Variants in PRKCQ observed in about 807,000 individuals in gnomAD.
PRKCQ encodes the protein protein kinase C theta type.
Under a neutral mutation model 91.2 loss-of-function variants are expected in PRKCQ, and 41 were observed. The ratio of observed to expected loss-of-function variants is 0.45; its 90% CI spans 0.35 to 0.58. The LOEUF is 0.58. PRKCQ is among the 20% of genes least tolerant of loss of function. The probability of loss-of-function intolerance (pLI) is 0.00; values close to 1 mark genes in which losing one functional copy is unlikely to be tolerated. For missense variants in PRKCQ, 673 were observed against 896.5 expected, an observed-to-expected ratio of 0.75 and a Z score of 3.18; for synonymous variants, 307 against 316.9, an observed-to-expected ratio of 0.97 and a Z score of 0.33.
chr10:6,409,021 A>G, the PRKCQ span, among the ~76,000 whole-genome samples: 7 of 152,244 alleles, frequency 4.6e-5, no homozygotes, highest in Non-Finnish European at 8.8e-5. Context: ...AATTTTGTGC[A>G]GTTTGCTTTC....
the PRKCQ span, among the ~76,000 whole-genome samples, chr10:6,395,755 A>G: frequency 3.3e-5 from 5 of 152,184 alleles, no homozygotes; most frequent in Non-Finnish European, 7.3e-5. Context: ...GTTAGAAGCA[A>G]GGCGGAGTCA....
chr10:6,485,912 G>C (rs754338868), intron 9 of PRKCQ, 123 bp downstream of exon 9: 19 of 775,986 alleles, frequency 2.4e-5, no homozygotes, highest in African/African-American at 5.2e-5. Context: ...CAAGGGCAAG[G>C]CCGGTGCTCA....
At chr10:6,437,577 T>C (rs1400545851) in intron 16 of PRKCQ, among the ~76,000 whole-genome samples, 1 of 152,250 alleles carries the variant, frequency 6.6e-6, no homozygotes, top group African/African-American at 2.4e-5. Flanking sequence ...AATGTAGCAA[T>C]TGTAATAGTG....
chr10:6,540,388 C>A (rs968573941), intron 1 of PRKCQ, among the ~76,000 whole-genome samples: 5 of 152,176 alleles, frequency 3.3e-5, no homozygotes, highest in African/African-American at 9.7e-5. Context: ...ACTAACGCCC[C>A]ATTCCTCCCA....
chr10:6,570,911 G>T (rs1387669177), intron 1 of PRKCQ, among the ~76,000 whole-genome samples: 1 of 152,280 alleles, frequency 6.6e-6, no homozygotes, highest in East Asian at 1.9e-4. Context: ...GATGGATTCA[G>T]ATAAAGTGAG....
intron 1 of PRKCQ, among the ~76,000 whole-genome samples, chr10:6,519,698 G>A (rs1379338584): frequency 6.6e-6 from 1 of 152,148 alleles, no homozygotes; most frequent in Non-Finnish European, 1.5e-5. Context: ...TTGATGTAAA[G>A]AGCCAAATTT....
intron 1 of PRKCQ, among the ~76,000 whole-genome samples, chr10:6,560,491 C>T (rs1373847954): frequency 6.6e-6 from 1 of 152,156 alleles, no homozygotes; most frequent in Admixed American, 6.6e-5. Flanking sequence ...ATCATGGAAC[C>T]ATCAGGACAA....
chr10:6,566,794 T>G (rs1588431852), intron 1 of PRKCQ, among the ~76,000 whole-genome samples: 2 of 152,086 alleles, frequency 1.3e-5, no homozygotes, highest in African/African-American at 4.8e-5. Context: ...AAGAAGTCAG[T>G]GCACCCAAGG....
intron 1 of PRKCQ, among the ~76,000 whole-genome samples, chr10:6,578,112 A>G (rs1841313503): frequency 6.6e-6 from 1 of 152,230 alleles, no homozygotes; most frequent in Non-Finnish European, 1.5e-5. Context: ...AGAGACAGAG[A>G]GTATTATTGT....
At position 6,559,526 on chromosome 10, in the gene PRKCQ, T is replaced by C. The variant is rs574779922; in HGVS notation, c.-10+20685A>G. Among the ~76,000 whole-genome samples, 5 of 152,220 alleles carry C rather than the reference T, an allele frequency of 3.3e-5. No homozygotes were observed. The South Asian group carries it at 1.0e-3, about 32-fold the overall frequency. On this transcript the variant is annotated intron_variant, in intron 1 of 17. Transcript: ENST00000263125. ...GGCATCCACCACCACACCCAGCTAA[T>C]TTTTATATTTTTAGTAGAGATGGGA... is the stretch of plus-strand genomic sequence containing the variant.
At chr10:6,439,578 T>A (rs898529849) in intron 16 of PRKCQ, among the ~76,000 whole-genome samples, 1 of 151,996 alleles carries the variant, frequency 6.6e-6, no homozygotes, top group African/African-American at 2.4e-5. Context: ...CAAGACCAAC[T>A]CCCCCTCTTC....
At chr10:6,395,841 C>T in the PRKCQ span, among the ~76,000 whole-genome samples, 19 of 152,190 alleles carry the variant, frequency 1.2e-4, 1 homozygote, top group South Asian at 3.7e-3. Flanking sequence ...AGGTCCTGAC[C>T]GTCAGTGCCC....
the PRKCQ span, among the ~76,000 whole-genome samples, chr10:6,413,474 TCACA>T: frequency 0.4 from 47,928 of 120,182 alleles, 11,650 homozygotes; most frequent in East Asian, 0.7. Context: ...AAAAATTATG[TCACA>T]CACACACACA....
chr10:6,565,839 C>G (rs768535277), intron 1 of PRKCQ, among the ~76,000 whole-genome samples: 3 of 152,186 alleles, frequency 2.0e-5, no homozygotes, highest in South Asian at 2.1e-4. Flanking sequence ...ATTACTTTTG[C>G]AAACTAATAT....
At chr10:6,471,521 T>C (rs1038708473) in intron 12 of PRKCQ, among the ~76,000 whole-genome samples, 1 of 152,078 alleles carries the variant, frequency 6.6e-6, no homozygotes, top group Admixed American at 6.5e-5. Context: ...GGTGGGTGGA[T>C]CACTTGAGGT....
intron 1 of PRKCQ, among the ~76,000 whole-genome samples, chr10:6,560,295 AC>A: frequency 6.6e-6 from 1 of 151,968 alleles, no homozygotes; most frequent in Non-Finnish European, 1.5e-5. Flanking sequence ...TGTAGGGAGA[AC>A]TTTCTGGAGT....
chr10:6,456,958 A>C, intron 14 of PRKCQ, 146 bp from the exon 15 acceptor site: 1 of 768,252 alleles, frequency 1.3e-6, no homozygotes, highest in Non-Finnish European at 2.1e-6. Context: ...TTGCACACCA[A>C]GTGGGGTGTA....
At chr10:6,572,121 C>T (rs961925189) in intron 1 of PRKCQ, among the ~76,000 whole-genome samples, 1 of 152,208 alleles carries the variant, frequency 6.6e-6, no homozygotes, top group Non-Finnish European at 1.5e-5. Context: ...CCAACGACTG[C>T]CTTCCCATCG....
At chr10:6,422,746 A>G (rs1170707314), downstream of PRKCQ, among the ~76,000 whole-genome samples, 2 of 152,182 alleles carry the variant, frequency 1.3e-5, no homozygotes, top group Non-Finnish European at 2.9e-5. Flanking sequence ...AGCATATTTT[A>G]TAGTCAAAGC....
Sources: gnomAD v4.1 joint callset for allele counts (sites outside exome capture counted in the v4.1 genomes callset) on GRCh38, gnomAD v4.1.1 for gene constraint, MANE v1.5 for transcripts, NCBI Gene and HGNC (gene_info 2026-07-23, HGNC 2026-07-21) for gene names.